POU6F2: variants seen among roughly 807,000 people sequenced by gnomAD.
POU6F2 encodes POU domain, class 6, transcription factor 2.
In POU6F2, 31 loss-of-function variants were observed where a neutral mutation model predicts 71.3. That is an observed-to-expected ratio of 0.43 (90% confidence interval 0.33 to 0.59). The LOEUF is 0.59. Ranked by LOEUF, POU6F2 falls within the 20% of genes least tolerant of loss-of-function variation. The probability of loss-of-function intolerance (pLI) is 0.04; values close to 1 mark genes in which losing one functional copy is unlikely to be tolerated. For missense variants in POU6F2, 783 were observed against 856.8 expected, an observed-to-expected ratio of 0.91 and a Z score of 1.07; for synonymous variants, 347 against 355.7, an observed-to-expected ratio of 0.98 and a Z score of 0.27.
chr7:39,130,554 A>G (rs1230274539), intron 2 of POU6F2, among the ~76,000 whole-genome samples: 1 of 152,234 alleles, frequency 6.6e-6, no homozygotes, highest in African/African-American at 2.4e-5. Flanking sequence ...GAAACTACAT[A>G]CAGCAAATAA....
intron 2 of POU6F2, among the ~76,000 whole-genome samples, chr7:39,151,328 C>T (rs1197562463): frequency 3.3e-5 from 5 of 152,096 alleles, no homozygotes; most frequent in Non-Finnish European, 7.3e-5. Flanking sequence ...CAATGCCTGT[C>T]CTAAAGTAGT....
At chr7:39,028,646 A>G (rs1442915745) in intron 1 of POU6F2, among the ~76,000 whole-genome samples, 1 of 152,082 alleles carries the variant, frequency 6.6e-6, no homozygotes, top group African/African-American at 2.4e-5. Context: ...CCTGTATGCT[A>G]TTAAGCGTTC....
intron 1 of POU6F2, among the ~76,000 whole-genome samples, chr7:39,044,080 G>A (rs1402894085): frequency 6.6e-6 from 1 of 151,884 alleles, no homozygotes; most frequent in Non-Finnish European, 1.5e-5. Flanking sequence ...CCTGGGCGTA[G>A]GGACTTAAAG....
chr7:39,401,120 G>A (rs939356686), intron 5 of POU6F2, among the ~76,000 whole-genome samples: 19 of 152,166 alleles, frequency 1.2e-4, no homozygotes, highest in African/African-American at 4.3e-4. Context: ...TTCCCAGTGC[G>A]CAGGCTGGTT....
At chr7:39,437,929 G>A (rs1301194066) in intron 7 of POU6F2, among the ~76,000 whole-genome samples, 2 of 146,080 alleles carry the variant, frequency 1.4e-5, no homozygotes, top group Non-Finnish European at 3.0e-5. Flanking sequence ...TAATCATGTG[G>A]TTTTGAGTGA....
chr7:39,089,345 C>G (rs1352706463), intron 2 of POU6F2, among the ~76,000 whole-genome samples: 1 of 152,084 alleles, frequency 6.6e-6, no homozygotes, highest in Non-Finnish European at 1.5e-5. Flanking sequence ...CTGTAAGAAA[C>G]AGTATAGAGG....
chr7:39,037,057 A>G (rs1790082002), intron 1 of POU6F2, among the ~76,000 whole-genome samples: 1 of 152,060 alleles, frequency 6.6e-6, no homozygotes, highest in Admixed American at 6.6e-5. Context: ...CATAATCCTC[A>G]TTTGAAAAAT....
intron 1 of POU6F2, among the ~76,000 whole-genome samples, chr7:39,036,547 A>G (rs1790069211): frequency 6.6e-6 from 1 of 152,094 alleles, no homozygotes; most frequent in Non-Finnish European, 1.5e-5. Context: ...TCTATAAGAC[A>G]TATGCCATTT....
chr7:39,388,282 G>T (rs1562811749), intron 5 of POU6F2, among the ~76,000 whole-genome samples: 1 of 152,088 alleles, frequency 6.6e-6, no homozygotes, highest in South Asian at 2.1e-4. Flanking sequence ...TTGTTTGAAT[G>T]TCCTGTTGAT....
At chr7:39,376,664 C>T (rs1786715942) in intron 5 of POU6F2, among the ~76,000 whole-genome samples, 2 of 152,116 alleles carry the variant, frequency 1.3e-5, no homozygotes, top group Non-Finnish European at 2.9e-5. Flanking sequence ...CCAGGGACTC[C>T]TACAACTGTA....
intron 1 of POU6F2, among the ~76,000 whole-genome samples, chr7:38,980,864 G>A (rs1287000394): frequency 1.3e-5 from 2 of 152,136 alleles, no homozygotes; most frequent in Non-Finnish European, 2.9e-5. Flanking sequence ...TGCTTCCACT[G>A]TAGGGAAGAG....
chr7:39,347,433 G>A (rs950658995), intron 5 of POU6F2, among the ~76,000 whole-genome samples: 2 of 152,086 alleles, frequency 1.3e-5, no homozygotes, highest in African/African-American at 2.4e-5. Flanking sequence ...GCATTTCTGA[G>A]GAAAGGGGTG....
intron 1 of POU6F2, among the ~76,000 whole-genome samples, chr7:39,016,381 T>C (rs977209111): frequency 6.6e-6 from 1 of 151,612 alleles, no homozygotes; most frequent in African/African-American, 2.4e-5. Flanking sequence ...ATTTATTAAG[T>C]ACAGCATCCA....
At chr7:39,206,943 A>C (rs149922894) in intron 3 of POU6F2, among the ~76,000 whole-genome samples, 1 of 152,334 alleles carries the variant, frequency 6.6e-6, no homozygotes, top group East Asian at 1.9e-4. Context: ...CAGACTTTCC[A>C]GCATTGAGTA....
intron 2 of POU6F2, among the ~76,000 whole-genome samples, chr7:39,179,662 C>T (rs1793401132): frequency 6.6e-6 from 1 of 152,186 alleles, no homozygotes; most frequent in African/African-American, 2.4e-5. Flanking sequence ...GCAGTTGCCG[C>T]CGGCTCATAG....
At chr7:39,044,042 C>T (rs1790243599) in intron 1 of POU6F2, among the ~76,000 whole-genome samples, 1 of 151,840 alleles carries the variant, frequency 6.6e-6, no homozygotes, top group African/African-American at 2.4e-5. Flanking sequence ...TTTCCAGGCC[C>T]TATCTCAGAT....
At position 39,464,825 on chromosome 7, in the gene POU6F2, T is replaced by A; in HGVS notation, c.*139T>A. 1 of 1,069,302 alleles carries A rather than the reference T, an allele frequency of 9.4e-7. No individual in the cohort carries two copies. The highest frequency in any genetic ancestry group is 1.3e-6 in the Non-Finnish European group (1 of 767,192). 66.2% of individuals were successfully genotyped at this position (1,069,302 alleles called of 1,614,324 possible). Reference sequence around the variant, plus strand: ...GTCATCACCCTTGTAAGTAAATGACTAAGAAAACTACCAAGTGGACAGAAT... The same window carrying A: ...GTCATCACCCTTGTAAGTAAATGACAAAGAAAACTACCAAGTGGACAGAAT... On this transcript the variant is annotated 3_prime_UTR_variant, in exon 10 of 10. Coordinates refer to ENST00000518318, the MANE Select transcript of POU6F2 (RefSeq NM_001370959.1). The surrounding 1 kb of genome is among the most constrained non-coding windows in gnomAD (Gnocchi z 4.1).
intron 1 of POU6F2, among the ~76,000 whole-genome samples, chr7:39,002,500 G>A (rs1314455608): frequency 7.9e-5 from 12 of 152,160 alleles, no homozygotes; most frequent in South Asian, 4.1e-4. Context: ...GGCACGTGCC[G>A]CTATGCCTGG....
At chr7:39,310,848 G>A (rs1583515045) in intron 4 of POU6F2, among the ~76,000 whole-genome samples, 2 of 152,282 alleles carry the variant, frequency 1.3e-5, no homozygotes, top group East Asian at 1.9e-4. Flanking sequence ...CCCGCTGGCT[G>A]CCTGCCTTTC....
Sources: allele counts gnomAD v4.1 joint callset (sites outside exome capture counted in the v4.1 genomes callset), GRCh38; gene constraint gnomAD v4.1.1; non-coding constraint Gnocchi (gnomAD v3.1); transcripts MANE v1.5; gene names NCBI Gene and HGNC (gene_info 2026-07-23, HGNC 2026-07-21).